Variants in NCAPG observed in about 807,000 individuals in gnomAD.
NCAPG encodes condensin complex subunit 3.
In NCAPG, 69 loss-of-function variants were observed where a neutral mutation model predicts 113.1. The observed-to-expected ratio is 0.61, with a 90% CI of 0.50 to 0.75. The LOEUF (loss-of-function observed/expected upper bound fraction) is 0.75, where lower values mean the gene tolerates loss of function less well. NCAPG is among the 30% of genes least tolerant of loss of function. The pLI, the probability that NCAPG is intolerant of heterozygous loss-of-function variation, is 0.00. For synonymous variants in NCAPG, 370 were observed against 415.8 expected, an observed-to-expected ratio of 0.89 and a Z score of 1.34; for missense variants, 1,058 against 1,177.0, an observed-to-expected ratio of 0.90 and a Z score of 1.48.
Position 17,842,325 on chromosome 4 carries a change from C to T in NCAPG, c.2870C>T (p.Thr957Ile), listed in dbSNP as rs143700657. 2.0e-4 allele frequency: 329 copies of T among 1,611,984 alleles called. 1 individual carries two copies. In the African/African-American group the frequency reaches 3.9e-3, roughly 19 times the overall value. The stretch of plus-strand genomic sequence containing the variant: ...TATCTTCAAGGACAGAGAAAAGTGA[C>T]AGTTTCAGCTAGGACGAACAGGAGG... ...LKTNRGQRKV[T>I]VSARTNRRCQ... is the part of the protein sequence containing the mutation. Residue 957 changes from threonine to isoleucine, a missense_variant, in exon 20 of 21, where the codon ACA becomes ATA. By Grantham distance (89) the Thr-to-Ile change is moderately conservative. Transcript: ENST00000251496.
At chr4:17,817,006 G>A (rs1486956475) in intron 5 of NCAPG, among the ~76,000 whole-genome samples, 1 of 152,082 alleles carries the variant, frequency 6.6e-6, no homozygotes, top group Non-Finnish European at 1.5e-5. Flanking sequence ...CCAGCTACTC[G>A]GGAGGCTGAG....
At chr4:17,827,423 AC>A (rs558656949) in intron 11 of NCAPG, among the ~76,000 whole-genome samples, 20 of 152,310 alleles carry the variant, frequency 1.3e-4, no homozygotes, top group African/African-American at 4.8e-4. Context: ...GGGTTGGGAG[AC>A]TTACAGATGA....
Position 17,840,225 on chromosome 4 carries a change from A to G in NCAPG, c.2767+16A>G, listed in dbSNP as rs2286535. 39 of 1,558,526 alleles carry G rather than the reference A, an allele frequency of 2.5e-5. No homozygotes were observed. Among genetic ancestry groups the G allele is most frequent in the Non-Finnish European group, 3.4e-5 (39 of 1,158,628 alleles). On this transcript the variant is annotated intron_variant, in intron 18 of 20. Transcript: ENST00000251496. ...AATGAAGATGGTAATCACATACTGA[A>G]CAGAATATTTATAAGGTTCTGTTTT...
At chr4:17,826,591 A>G (rs1395824519) in intron 11 of NCAPG, among the ~76,000 whole-genome samples, 1 of 152,218 alleles carries the variant, frequency 6.6e-6, no homozygotes, top group Non-Finnish European at 1.5e-5. Context: ...AAATTATAAA[A>G]TTAGCAAAAG....
At position 17,840,101 on chromosome 4, in the gene NCAPG, T is replaced by C. The variant is rs1722288393; in HGVS notation, c.2659T>C (p.Leu887=). 1.2e-6 allele frequency: 2 copies of C among 1,610,954 alleles called. No individual in the cohort carries two copies. The highest frequency in any genetic ancestry group is 4.5e-5 in the East Asian group (2 of 44,750). The change falls in exon 18 of 21, where the codon TTG becomes CTG. Residue 887 remains leucine, a synonymous_variant. Transcript: ENST00000251496. ...AAAAGATAGGACATGTCTGAGAGCT[T>C]TGGAGAAAATCAAGATTCAGTTAGA... ...QVKDRTCLRA[L]EKIKIQLEKG...
At chr4:17,822,783 C>T (rs1721509499) in intron 7 of NCAPG, among the ~76,000 whole-genome samples, 200 bp from the exon 8 acceptor site, 1 of 152,054 alleles carries the variant, frequency 6.6e-6, no homozygotes, top group Non-Finnish European at 1.5e-5. Context: ...TTTTCAAATT[C>T]TTTTGATTCA....
Position 17,828,337 on chromosome 4 carries a change from G to A in NCAPG, c.1713G>A (p.Met571Ile). The change falls in exon 12 of 21, where the codon ATG (methionine) becomes ATA (isoleucine). Residue 571 changes from methionine to isoleucine, a missense_variant. Met to Ile is a conservative substitution (Grantham distance 10, BLOSUM62 1). Coordinates refer to ENST00000251496, the MANE Select transcript of NCAPG (RefSeq NM_022346.5). ...TATGCTATGAACTGTTGAAGCAGAT[G>A]TCCATTTCAACAGGCTTAAGTGCAA... ...LILCYELLKQ[M>I]SISTGLSATM... 6.2e-7 allele frequency: 1 copy of A among 1,608,714 alleles called. No homozygotes were observed. The highest frequency in any genetic ancestry group is 8.5e-7 in the Non-Finnish European group (1 of 1,177,190).
Position 17,812,387 on chromosome 4 carries a change from G to A in NCAPG, c.278G>A (p.Gly93Asp). ...GAAGATGATGAGGAAGAGGAAGATG[G>A]TGGCCTTTTAAATTATTTGTTTACT... The part of the protein sequence containing the change: ...DMEDDEEEED[G>D]GLLNYLFTFL... The change falls in exon 2 of 21, where the codon GGT becomes GAT. Residue 93 changes from glycine to aspartate, a missense_variant. Gly to Asp is a moderately conservative substitution (Grantham distance 94). Transcript: ENST00000251496. 6.2e-7 allele frequency: 1 copy of A among 1,613,710 alleles called. No homozygotes were observed.
In NCAPG at chr4:17,831,087, G is replaced by T. The variant is rs1195359689; in HGVS notation, c.1855G>T (p.Ala619Ser). The T allele has an allele frequency of 6.2e-6, 10 of 1,613,576 alleles. No individual in the cohort carries two copies. The South Asian group carries it at 8.8e-5, about 14-fold the overall frequency. Residue 619 changes from alanine (A) to serine (S), a missense_variant, in exon 13 of 21, where the codon GCA becomes TCA. Physicochemically the swap from Ala to Ser is moderately conservative, Grantham distance 99. Coordinates refer to ENST00000251496, the MANE Select transcript of NCAPG (RefSeq NM_022346.5). ...CTGTGGACTACAGAATCAGGATTTT[G>T]CAAGGAAACACTTCGTATTACTATT... ...GCCGLQNQDF[A>S]RKHFVLLLQV...
chr4:17,825,444 A>C lies in NCAPG; in HGVS notation c.1536A>C (p.Leu512Phe). 6.2e-7 allele frequency: 1 copy of C among 1,608,306 alleles called. No individual in the cohort carries two copies. Among genetic ancestry groups the C allele is most frequent in the Non-Finnish European group, 8.5e-7 (1 of 1,178,288 alleles). Residue 512 changes from leucine to phenylalanine, a missense_variant, in exon 11 of 21, where the codon TTA (leucine) becomes TTC (phenylalanine). Coordinates refer to ENST00000251496, the MANE Select transcript of NCAPG (RefSeq NM_022346.5). The part of the protein sequence containing the change: ...AKEALENCIT[L>F]QDFNRASELK... ...AAGCTTTGGAAAATTGCATTACCTTACAGGATTTTAATCGGGCATCAGAAT... is the reference window on the plus strand; with the variant it reads ...AAGCTTTGGAAAATTGCATTACCTTCCAGGATTTTAATCGGGCATCAGAAT...
rs1175771525 is a variant in NCAPG, at chr4:17,813,120, G to C, written c.519G>C (p.Lys173Asn). Residue 173 changes from lysine (K) to asparagine (N), a missense_variant, in exon 3 of 21, where the codon AAG becomes AAC. Coordinates refer to ENST00000251496, the MANE Select transcript of NCAPG (RefSeq NM_022346.5). ...CGCTTTCACGACTTCAGGATCCCAA[G>C]GATGATGAATGCCCAGTGGTTAATG... The part of the protein sequence containing the change: ...VLALSRLQDP[K>N]DDECPVVNAY... 1 of 1,613,962 alleles carries C rather than the reference G, an allele frequency of 6.2e-7. No individual in the cohort carries two copies. Among genetic ancestry groups the C allele is most frequent in the Admixed American group, 1.7e-5 (1 of 60,010 alleles).
intron 10 of NCAPG, 133 bp from the exon 11 acceptor site, chr4:17,825,249 A>C: frequency 1.1e-6 from 1 of 869,600 alleles, no homozygotes; most frequent in Non-Finnish European, 1.7e-6. Flanking sequence ...GTGTCAGGAA[A>C]ACTACAAGTT....
rs1226466237 is a variant in NCAPG, at chr4:17,825,379, T to C, written c.1474-3T>C. The C allele has an allele frequency of 6.3e-7, 1 of 1,580,670 alleles. No individual in the cohort carries two copies. Among genetic ancestry groups the C allele is most frequent in the East Asian group, 2.2e-5 (1 of 44,626 alleles). On this transcript the variant is annotated splice_region_variant and splice_polypyrimidine_tract_variant and intron_variant, in intron 10 of 20. Coordinates refer to ENST00000251496, the MANE Select transcript of NCAPG (RefSeq NM_022346.5). ...TGTTGAAACAATTTATATCTTCCCTTAGATGGCTGAAATAAAAGTTAAGCT... is the reference window on the plus strand; with the variant it reads ...TGTTGAAACAATTTATATCTTCCCTCAGATGGCTGAAATAAAAGTTAAGCT...
chr4:17,825,402 G>A lies in NCAPG; in HGVS notation c.1494G>A (p.Lys498=). The A allele has an allele frequency of 6.3e-7, 1 of 1,588,470 alleles. No individual in the cohort carries two copies. The highest frequency in any genetic ancestry group is 2.2e-5 in the East Asian group (1 of 44,632). ...KELKMAEIKV[K]LIEAKEALEN... is the part of the protein sequence containing the mutation. ...CTTAGATGGCTGAAATAAAAGTTAA[G>A]CTTATCGAAGCCAAAGAAGCTTTGG... The change falls in exon 11 of 21, where the codon AAG becomes AAA. Residue 498 remains lysine (K), a synonymous_variant. Coordinates refer to ENST00000251496, the MANE Select transcript of NCAPG (RefSeq NM_022346.5).
chr4:17,817,286 G>T lies in NCAPG; in HGVS notation c.801G>T (p.Lys267Asn). 6.2e-7 allele frequency: 1 copy of T among 1,614,004 alleles called. No individual in the cohort carries two copies. Among genetic ancestry groups the T allele is most frequent in the Non-Finnish European group, 8.5e-7 (1 of 1,179,938 alleles). Residue 267 changes from lysine (K) to asparagine (N), a missense_variant, in exon 6 of 21, where the codon AAG (lysine) becomes AAT (asparagine). Coordinates refer to ENST00000251496, the MANE Select transcript of NCAPG (RefSeq NM_022346.5). ...ATGCTGTGAAACAAGCTATGCAGAA[G>T]CATCTTCTTCAAGGCTGGTTACGGT... is the stretch of plus-strand genomic sequence containing the variant. ...RSDAVKQAMQKHLLQGWLRFS... is the reference protein window; with the variant it reads ...RSDAVKQAMQNHLLQGWLRFS...
rs1418746819 is a variant in NCAPG at position 17,843,399 on chromosome 4, C to T, written c.3022C>T (p.Gln1008Ter). The change falls in exon 21 of 21, where the codon CAA becomes TAA. Residue 1008 changes from glutamine (Q) to a stop codon, truncating the protein, a stop_gained. Coordinates refer to ENST00000251496, the MANE Select transcript of NCAPG (RefSeq NM_022346.5). LOFTEE classifies it high-confidence loss of function. ...AGAAAAAAGTAAACTTAACCTTGCC[C>T]AATTTCTCAATGAAGATCTAAGTTA... is the stretch of plus-strand genomic sequence containing the variant. ...ALEKSKLNLA[Q>*]FLNEDLS 2.5e-6 allele frequency: 4 copies of T among 1,611,484 alleles called. No individual in the cohort carries two copies. Among genetic ancestry groups the T allele is most frequent in the Non-Finnish European group, 3.4e-6 (4 of 1,177,924 alleles).
Position 17,811,258 on chromosome 4 carries a change from G to A in NCAPG, c.111+70G>A. 1 of 946,306 alleles carries A rather than the reference G, an allele frequency of 1.1e-6. No individual in the cohort carries two copies. 58.6% of individuals were successfully genotyped at this position (946,306 alleles called of 1,614,324 possible). On this transcript the variant is annotated intron_variant, in intron 1 of 20. Transcript: ENST00000251496. This position sits in a 1 kb window ranked among gnomAD's most constrained non-coding sequence, Gnocchi z 5.3. ...CCACCCTCCCTCAGGGGCCCTCCGT[G>A]GCCCTCGGGCTCGGCGCACCGTGAC...
intron 14 of NCAPG, among the ~76,000 whole-genome samples, chr4:17,835,108 C>G (rs1229803403): frequency 1.3e-5 from 2 of 152,216 alleles, no homozygotes; most frequent in Non-Finnish European, 2.9e-5. Context: ...CTTTTAAGTA[C>G]TCTTGAACTA....
Position 17,811,189 on chromosome 4 carries a change from G to C in NCAPG, c.111+1G>C, listed in dbSNP as rs2109038600. 6.8e-7 allele frequency: 1 copy of C among 1,471,128 alleles called. No individual in the cohort carries two copies. The highest frequency in any genetic ancestry group is 2.9e-5 in the East Asian group (1 of 34,888). The allele number at this position is 1,471,128 out of a possible 1,614,324, so 91.1% of individuals were successfully genotyped here. On this transcript the variant is annotated splice_donor_variant, in intron 1 of 20. Transcript: ENST00000251496. LOFTEE classifies it high-confidence loss of function. The surrounding 1 kb of genome is among the most constrained non-coding windows in gnomAD (Gnocchi z 5.3). ...GGCGCTGAGCCGCACCTACCGCACG[G>C]TAAGCGCTCCCGGCCCCGGCCGCCG...
Sources: gnomAD v4.1 joint callset for allele counts (sites outside exome capture counted in the v4.1 genomes callset) on GRCh38, gnomAD v4.1.1 for gene constraint, Gnocchi (gnomAD v3.1) non-coding constraint, MANE v1.5 for transcripts, NCBI Gene and HGNC (gene_info 2026-07-23, HGNC 2026-07-21) for gene names.